Variants in BAZ2B observed in about 807,000 individuals in gnomAD.
BAZ2B encodes the protein bromodomain adjacent to zinc finger domain protein 2B.
BAZ2B carries 91 observed loss-of-function variants against 246.0 expected under a neutral mutation model. The ratio of observed to expected loss-of-function variants is 0.37; its 90% confidence interval spans 0.31 to 0.44. BAZ2B has a LOEUF of 0.44. Ranked by LOEUF, BAZ2B falls within the 20% of genes least tolerant of loss-of-function variation. BAZ2B has a pLI of 1.00. For missense variants in BAZ2B, 2,332 were observed against 2,533.7 expected (o/e 0.92, Z 1.71); for synonymous variants, 855 against 860.0 (o/e 0.99, Z 0.10).
Position 159,404,884 on chromosome 2 carries a change from T to G in BAZ2B, c.2797A>C (p.Lys933Gln). Reference protein sequence around the residue: ...QAIMAAEEKRKQKEQIKIMKQ... With the variant: ...QAIMAAEEKRQQKEQIKIMKQ... ...ATAATCTTTATCTGTTCTTTTTGCT[T>G]CCGCTTCTCCTCAGCAGCCATTATT... Residue 933 changes from lysine (K) to glutamine (Q), a missense_variant, in exon 16 of 37, where the codon AAG becomes CAG. Physicochemically the swap from Lys to Gln is moderately conservative, Grantham distance 53 (BLOSUM62 1). This residue lies in a region of BAZ2B where 651 missense variants were observed against 650.9 expected (regional missense o/e 1.00). Transcript: ENST00000392783. 1 of 1,613,530 alleles carries G rather than the reference T, an allele frequency of 6.2e-7. No individual in the cohort carries two copies. The highest frequency in any genetic ancestry group is 8.5e-7 in the Non-Finnish European group (1 of 1,179,966).
At chr2:159,521,423 A>C (rs553844263) in intron 2 of BAZ2B, among the ~76,000 whole-genome samples, 18 of 152,082 alleles carry the variant, frequency 1.2e-4, no homozygotes, top group African/African-American at 1.9e-4. Flanking sequence ...ATTTATTGCA[A>C]CATAATAGAT....
chr2:159,595,443 A>C (rs1470749403), intron 1 of BAZ2B, among the ~76,000 whole-genome samples: 1 of 152,138 alleles, frequency 6.6e-6, no homozygotes, highest in African/African-American at 2.4e-5. Flanking sequence ...AGGTCATGTT[A>C]GTGGAAATGT....
At chr2:159,393,566 T>G (rs2063600127) in intron 20 of BAZ2B, among the ~76,000 whole-genome samples, 2 of 152,212 alleles carry the variant, frequency 1.3e-5, no homozygotes, top group African/African-American at 4.8e-5. Flanking sequence ...ATCTGCTACC[T>G]GTTTTTAGAC....
intron 14 of BAZ2B, among the ~76,000 whole-genome samples, chr2:159,407,666 G>T (rs190530225): frequency 6.6e-6 from 1 of 152,038 alleles, no homozygotes; most frequent in South Asian, 2.1e-4. Context: ...TAAAAAAGTC[G>T]AATTTCATCT....
At chr2:159,508,477 G>C (rs2082568860) in intron 2 of BAZ2B, among the ~76,000 whole-genome samples, 1 of 152,016 alleles carries the variant, frequency 6.6e-6, no homozygotes, top group Admixed American at 6.6e-5. Context: ...TAACCAAGTG[G>C]AAACTTATTT....
intron 36 of BAZ2B, 120 bp downstream of exon 36, chr2:159,324,672 ACACACACACACACACACCT>A: frequency 1.5e-5 from 4 of 260,952 alleles, no homozygotes; most frequent in East Asian, 1.2e-4. Context: ...ACACACACAC[ACACACACACACACACACCT>A]GCCTCAAAGG....
At chr2:159,359,181 A>G (rs1399668552) in intron 27 of BAZ2B, among the ~76,000 whole-genome samples, 1 of 152,214 alleles carries the variant, frequency 6.6e-6, no homozygotes, top group Non-Finnish European at 1.5e-5. Context: ...GGTTTTTTGA[A>G]AAGATCAACA....
At chr2:159,348,613 G>T in intron 30 of BAZ2B, 65 bp downstream of exon 30, 1 of 1,514,396 alleles carries the variant, frequency 6.6e-7, no homozygotes, top group Non-Finnish European at 8.8e-7. Flanking sequence ...CTAAAATATG[G>T]TTTAGAATAA....
At chr2:159,609,574 C>T (rs1184059163) in intron 1 of BAZ2B, among the ~76,000 whole-genome samples, 1 of 152,102 alleles carries the variant, frequency 6.6e-6, no homozygotes, top group Admixed American at 6.5e-5. Context: ...AATCATAAAA[C>T]ACATATTCCA....
chr2:159,448,177 G>A, intron 5 of BAZ2B, 65 bp downstream of exon 5: 1 of 1,542,830 alleles, frequency 6.5e-7, no homozygotes, highest in Non-Finnish European at 8.8e-7. Flanking sequence ...TATTAAACCT[G>A]AACATTATGA....
intron 13 of BAZ2B, among the ~76,000 whole-genome samples, chr2:159,412,933 C>G (rs1306097663): frequency 2.0e-5 from 3 of 152,116 alleles, no homozygotes; most frequent in Non-Finnish European, 4.4e-5. Flanking sequence ...AAACACTAAG[C>G]TACCCAAATA....
chr2:159,496,221 A>G (rs1322677968), intron 2 of BAZ2B, among the ~76,000 whole-genome samples: 7 of 149,754 alleles, frequency 4.7e-5, no homozygotes, highest in Non-Finnish European at 1.0e-4. Context: ...TAAAAAATAC[A>G]AAAAACTAGC....
intron 1 of BAZ2B, among the ~76,000 whole-genome samples, chr2:159,607,068 T>C (rs181758817): frequency 9.6e-4 from 146 of 152,234 alleles, no homozygotes; most frequent in African/African-American, 3.4e-3. Context: ...TTGACCAGGC[T>C]GGTCTCAAAC....
At chr2:159,671,728 C>T in the BAZ2B span, among the ~76,000 whole-genome samples, 1 of 151,998 alleles carries the variant, frequency 6.6e-6, no homozygotes, top group African/African-American at 2.4e-5. Flanking sequence ...TAATGAAGAC[C>T]AAACACTAGA....
At chr2:159,478,801 C>T in intron 2 of BAZ2B, 80 bp from the exon 3 acceptor site, 3 of 1,078,302 alleles carry the variant, frequency 2.8e-6, no homozygotes, top group Non-Finnish European at 3.7e-6. Context: ...TTTTTGTATA[C>T]TTTTAAAAAT....
At chr2:159,613,590 A>C (rs1283355641) in intron 1 of BAZ2B, among the ~76,000 whole-genome samples, 1 of 152,116 alleles carries the variant, frequency 6.6e-6, no homozygotes, top group Non-Finnish European at 1.5e-5. Context: ...ATGTTGTCCA[A>C]ATTACTGATT....
chr2:159,579,498 A>G (rs532604246), intron 1 of BAZ2B, among the ~76,000 whole-genome samples: 1 of 152,328 alleles, frequency 6.6e-6, no homozygotes, highest in South Asian at 2.1e-4. Flanking sequence ...CCAGCGGTAC[A>G]AAGAGGAGCT....
At chr2:159,664,871 CT>C in the BAZ2B span, among the ~76,000 whole-genome samples, 1 of 147,682 alleles carries the variant, frequency 6.8e-6, no homozygotes, top group Admixed American at 6.8e-5. Context: ...TGCAGAAGCT[CT>C]TTAGTTTAAT....
chr2:159,394,587 T>C (rs914888783), intron 20 of BAZ2B, among the ~76,000 whole-genome samples: 4 of 152,168 alleles, frequency 2.6e-5, no homozygotes, highest in Non-Finnish European at 4.4e-5. Flanking sequence ...TTACATGCTA[T>C]GTTAAGTCTA....
Sources: allele counts gnomAD v4.1 joint callset (sites outside exome capture counted in the v4.1 genomes callset), GRCh38; gene constraint gnomAD v4.1.1; regional missense constraint gnomAD v4.1.1; transcripts MANE v1.5; gene names NCBI Gene and HGNC (gene_info 2026-07-23, HGNC 2026-07-21).